RSPRY1: variants seen among roughly 807,000 people sequenced by gnomAD.
RSPRY1 encodes the protein ring finger and SPRY domain containing 1.
Under a neutral mutation model 73.1 loss-of-function variants are expected in RSPRY1, and 23 were observed. That is an observed-to-expected ratio of 0.31 (90% CI 0.23 to 0.45). The LOEUF is 0.45. Ranked by LOEUF, RSPRY1 falls within the 20% of genes least tolerant of loss-of-function variation. The pLI is 1.00. For missense variants in RSPRY1, 448 were observed against 698.7 expected, an observed-to-expected ratio of 0.64 and a Z score of 4.05; for synonymous variants, 226 against 251.4, an observed-to-expected ratio of 0.90 and a Z score of 0.95.
chr16:57,194,211 A>G (rs1269398096), intron 1 of RSPRY1, among the ~76,000 whole-genome samples: 1 of 152,254 alleles, frequency 6.6e-6, no homozygotes, highest in Non-Finnish European at 1.5e-5. Context: ...AAATATGTAA[A>G]AAAAACTGAA....
intron 14 of RSPRY1, among the ~76,000 whole-genome samples, chr16:57,237,651 T>C (rs572699420): frequency 1.3e-5 from 2 of 152,256 alleles, no homozygotes; most frequent in African/African-American, 4.8e-5. Context: ...AAAACACATA[T>C]ATTTCAGCCA....
intron 1 of RSPRY1, among the ~76,000 whole-genome samples, chr16:57,197,231 A>G (rs2074465582): frequency 1.3e-5 from 2 of 152,118 alleles, no homozygotes; most frequent in African/African-American, 4.8e-5. Context: ...AAAAAAAAAT[A>G]CCATGAATGA....
At chr16:57,230,874 A>G (rs1430764990) in intron 12 of RSPRY1, 61 bp downstream of exon 12, 6 of 925,508 alleles carry the variant, frequency 6.5e-6, no homozygotes, top group Non-Finnish European at 1.0e-5. Flanking sequence ...TTTCTCTAGG[A>G]AAAAAAAAGT....
intron 1 of RSPRY1, among the ~76,000 whole-genome samples, chr16:57,188,046 C>G (rs934203209): frequency 4.6e-5 from 7 of 152,198 alleles, no homozygotes; most frequent in Admixed American, 1.3e-4. Flanking sequence ...ATCATACTTT[C>G]TCCCTCAGTT....
rs765065063 is a variant in RSPRY1 at position 57,216,870 on chromosome 16, A to C, written c.770-34A>C. On this transcript the variant is annotated intron_variant, in intron 7 of 14. Transcript: ENST00000394420. ...GCTGAGCAAATCATTCTACCCTTTC[A>C]TTGTTAATTCAAGGATTATGTCTTT... The C allele has an allele frequency of 5.6e-6, 9 of 1,601,288 alleles. No individual in the cohort carries two copies. The African/African-American group carries it at 1.2e-4, about 21-fold the overall frequency.
intron 1 of RSPRY1, among the ~76,000 whole-genome samples, chr16:57,190,312 T>C (rs1037626560): frequency 5.3e-5 from 8 of 152,164 alleles, no homozygotes; most frequent in Non-Finnish European, 8.8e-5. Flanking sequence ...GAAGATGCAG[T>C]GAGCCACTGC....
At chr16:57,193,112 C>T (rs1427402735) in intron 1 of RSPRY1, among the ~76,000 whole-genome samples, 3 of 152,190 alleles carry the variant, frequency 2.0e-5, no homozygotes, top group African/African-American at 7.2e-5. Context: ...TCATCCAGTG[C>T]TTTTCCCAGA....
intron 2 of RSPRY1, among the ~76,000 whole-genome samples, chr16:57,206,373 T>C (rs1217522900): frequency 6.6e-6 from 1 of 152,084 alleles, no homozygotes; most frequent in Non-Finnish European, 1.5e-5. Context: ...ACCACTGCAC[T>C]CCAGCCTGGG....
intron 14 of RSPRY1, among the ~76,000 whole-genome samples, chr16:57,236,237 G>C (rs981721565): frequency 2.0e-5 from 3 of 152,142 alleles, no homozygotes; most frequent in African/African-American, 7.2e-5. Flanking sequence ...CAAACAGCTG[G>C]ATCTGGTCTT....
At position 57,189,580 on chromosome 16, in the gene RSPRY1, T is replaced by C. The variant is rs567521350; in HGVS notation, c.-156+3129T>C. 3.4e-5 allele frequency among the ~76,000 whole-genome samples: 4 copies of C among 118,950 alleles called. No individual in the cohort carries two copies. The East Asian group carries it at 1.0e-3, about 31-fold the overall frequency. 78.0% of individuals were successfully genotyped at this position (118,950 alleles called of 152,430 possible). A position where few individuals can be genotyped will look rare whatever the true frequency, so the allele number is the denominator to read the frequency against. ...TATTTCTTTTTTTCTGTTTTTTCTT[T>C]TTCTTTTCTTTTCTTTTTTTTTTTT... is the stretch of plus-strand genomic sequence containing the variant. On this transcript the variant is annotated intron_variant, in intron 1 of 14. Transcript: ENST00000394420.
At chr16:57,194,227 T>G (rs762417800) in intron 1 of RSPRY1, among the ~76,000 whole-genome samples, 11 of 152,160 alleles carry the variant, frequency 7.2e-5, no homozygotes, top group Non-Finnish European at 1.0e-4. Context: ...CTGAATGGAT[T>G]AATGATGGAT....
At chr16:57,212,857 C>T in intron 4 of RSPRY1, 115 bp from the exon 5 acceptor site, 17 of 1,058,554 alleles carry the variant, frequency 1.6e-5, no homozygotes, top group Non-Finnish European at 2.3e-5. Context: ...TTGTGGTCCG[C>T]CCGCCTCGGC....
chr16:57,206,237 C>G (rs2074722278), intron 2 of RSPRY1, among the ~76,000 whole-genome samples: 1 of 152,004 alleles, frequency 6.6e-6, no homozygotes, highest in Non-Finnish European at 1.5e-5. Context: ...GATCCCATCT[C>G]TGCAAAAAAA....
intron 11 of RSPRY1, among the ~76,000 whole-genome samples, chr16:57,228,457 G>C (rs1178669571): frequency 6.6e-6 from 1 of 151,642 alleles, no homozygotes; most frequent in African/African-American, 2.4e-5. Flanking sequence ...TATGATAAAG[G>C]CCCTGTTTTC....
At chr16:57,208,146 A>T in intron 3 of RSPRY1, 36 bp downstream of exon 3, 2 of 1,264,442 alleles carry the variant, frequency 1.6e-6, no homozygotes, top group Non-Finnish European at 2.2e-6. Flanking sequence ...TTTATAATGA[A>T]TATATAATAA....
intron 1 of RSPRY1, among the ~76,000 whole-genome samples, chr16:57,190,000 C>T (rs1443540055): frequency 1.3e-5 from 2 of 152,154 alleles, no homozygotes; most frequent in Non-Finnish European, 2.9e-5. Context: ...ATACAGCTTT[C>T]TTTCACACTC....
At position 57,204,896 on chromosome 16, in the gene RSPRY1, C is replaced by T. The variant is rs1470595736; in HGVS notation, c.238C>T (p.Pro80Ser). The T allele has an allele frequency of 1.9e-6, 3 of 1,614,044 alleles. No individual in the cohort carries two copies. The highest frequency in any genetic ancestry group is 2.5e-6 in the Non-Finnish European group (3 of 1,180,036). Residue 80 changes from proline (P) to serine (S), a missense_variant, in exon 2 of 15, where the codon CCT (proline) becomes TCT (serine). Pro to Ser is a moderately conservative substitution (Grantham distance 74, BLOSUM62 -1). Transcript: ENST00000394420. ...TGACACAAGGAGCCAACCACGGGAC[C>T]CTGTTCGGCCACCAAGGAGGGGCCG... ...TADTRSQPRD[P>S]VRPPRRGRGP...
intron 10 of RSPRY1, among the ~76,000 whole-genome samples, chr16:57,223,463 G>A (rs1258681973): frequency 6.6e-6 from 1 of 152,214 alleles, no homozygotes; most frequent in African/African-American, 2.4e-5. Context: ...CTCCAAGGGT[G>A]TACTCTGATT....
At chr16:57,217,557 AT>A (rs2074961793) in intron 8 of RSPRY1, among the ~76,000 whole-genome samples, 1 of 152,188 alleles carries the variant, frequency 6.6e-6, no homozygotes, top group Non-Finnish European at 1.5e-5. Context: ...TTTAGGTAGA[AT>A]TTATCTGAAA....
Sources: gnomAD v4.1 joint callset for allele counts (sites outside exome capture counted in the v4.1 genomes callset) on GRCh38, gnomAD v4.1.1 for gene constraint, MANE v1.5 for transcripts, NCBI Gene and HGNC (gene_info 2026-07-23, HGNC 2026-07-21) for gene names.